SCHIP1: variants seen among roughly 807,000 people sequenced by gnomAD.
The protein encoded by SCHIP1 is schwannomin-interacting protein 1.
Under a neutral mutation model 29.7 loss-of-function variants are expected in SCHIP1, and 8 were observed. The ratio of observed to expected loss-of-function variants is 0.27; its 90% confidence interval spans 0.16 to 0.49. The LOEUF (loss-of-function observed/expected upper bound fraction) is 0.49. SCHIP1 is among the 20% of genes least tolerant of loss of function. SCHIP1 has a pLI of 0.99. For synonymous variants in SCHIP1, 76 were observed against 94.9 expected, an observed-to-expected ratio of 0.80 and a Z score of 1.16; for missense variants, 193 against 294.6, an observed-to-expected ratio of 0.66 and a Z score of 2.52.
At chr3:159,652,906 A>G in the SCHIP1 span, among the ~76,000 whole-genome samples, 127 of 152,332 alleles carry the variant, frequency 8.3e-4, no homozygotes, top group African/African-American at 3.0e-3. Flanking sequence ...AAAATAAGCC[A>G]AGCACAAAAA....
the SCHIP1 span, among the ~76,000 whole-genome samples, chr3:159,637,817 A>C: frequency 1.6e-4 from 24 of 152,348 alleles, no homozygotes; most frequent in African/African-American, 5.8e-4. Context: ...AAATGCCAGC[A>C]TTGGCCATTA....
the SCHIP1 span, among the ~76,000 whole-genome samples, chr3:159,685,607 C>T: frequency 9.2e-5 from 14 of 152,132 alleles, no homozygotes; most frequent in Non-Finnish European, 2.9e-5. Flanking sequence ...CCCAAATTTA[C>T]CCAACAATTT....
the SCHIP1 span, among the ~76,000 whole-genome samples, chr3:159,412,959 G>T: frequency 3.9e-3 from 589 of 152,310 alleles, 1 homozygote; most frequent in African/African-American, 0.013. Flanking sequence ...AAGGAAAAAG[G>T]TTTAATTGGC....
the SCHIP1 span, among the ~76,000 whole-genome samples, chr3:159,588,386 T>G: frequency 3.3e-5 from 5 of 152,122 alleles, no homozygotes. Flanking sequence ...AATGAGTAGA[T>G]TGCAAAAATT....
At chr3:159,593,394 C>T in the SCHIP1 span, among the ~76,000 whole-genome samples, 1 of 152,012 alleles carries the variant, frequency 6.6e-6, no homozygotes, top group Admixed American at 6.6e-5. Flanking sequence ...GGTTTAGGCC[C>T]CACTTGGAGG....
At chr3:159,359,128 A>G in the SCHIP1 span, among the ~76,000 whole-genome samples, 2 of 151,792 alleles carry the variant, frequency 1.3e-5, no homozygotes, top group African/African-American at 4.8e-5. Context: ...GGGTTTCACC[A>G]TGTTGGCCAG....
At chr3:159,497,683 G>A in the SCHIP1 span, among the ~76,000 whole-genome samples, 3 of 151,812 alleles carry the variant, frequency 2.0e-5, no homozygotes, top group Non-Finnish European at 4.4e-5. Flanking sequence ...AGGGAAGAGC[G>A]AAAGAGGAAG....
chr3:159,579,744 T>C, the SCHIP1 span, among the ~76,000 whole-genome samples: 1 of 152,198 alleles, frequency 6.6e-6, no homozygotes, highest in African/African-American at 2.4e-5. Flanking sequence ...ACCTTAAGAA[T>C]TGAGTTCAAC....
the SCHIP1 span, among the ~76,000 whole-genome samples, chr3:159,541,501 C>G: frequency 2.0e-5 from 3 of 151,968 alleles, no homozygotes; most frequent in Non-Finnish European, 4.4e-5. Flanking sequence ...CATAGATCCA[C>G]TGTAGCAAAT....
At chr3:159,496,905 G>C in the SCHIP1 span, among the ~76,000 whole-genome samples, 12 of 152,252 alleles carry the variant, frequency 7.9e-5, no homozygotes, top group East Asian at 1.5e-3. Flanking sequence ...CACATATACT[G>C]CATGGAATAC....
intron 2 of SCHIP1, among the ~76,000 whole-genome samples, chr3:159,876,340 C>T (rs766549366): frequency 1.3e-5 from 2 of 152,190 alleles, no homozygotes; most frequent in Non-Finnish European, 2.9e-5. Flanking sequence ...TATTGGGAAC[C>T]AGAGGGTCTG....
chr3:159,814,937 A>C, the SCHIP1 span, among the ~76,000 whole-genome samples: 1 of 152,206 alleles, frequency 6.6e-6, no homozygotes, highest in Non-Finnish European at 1.5e-5. Context: ...TCTGGGTGAC[A>C]CTAGGCCAAA....
chr3:159,635,412 G>A, the SCHIP1 span, among the ~76,000 whole-genome samples: 1 of 152,124 alleles, frequency 6.6e-6, no homozygotes. Flanking sequence ...TAATTGACAT[G>A]GAAGTATTTT....
the SCHIP1 span, among the ~76,000 whole-genome samples, chr3:159,395,590 T>G: frequency 2.6e-5 from 4 of 152,166 alleles, no homozygotes; most frequent in South Asian, 8.3e-4. Context: ...CAGTAGTCAT[T>G]CAGGAGCTGG....
chr3:159,280,983 G>T, the SCHIP1 span, among the ~76,000 whole-genome samples: 2 of 152,220 alleles, frequency 1.3e-5, no homozygotes, highest in African/African-American at 2.4e-5. Flanking sequence ...ATCCACGATT[G>T]CATGTGTTAA....
chr3:159,273,454 A>ATCT, the SCHIP1 span: 2 of 1,050,066 alleles, frequency 1.9e-6, no homozygotes, highest in Non-Finnish European at 2.3e-6. Flanking sequence ...GACTAATGGG[A>ATCT]TCTTCTTTTC....
chr3:159,320,831 C>T, the SCHIP1 span, among the ~76,000 whole-genome samples: 1 of 150,928 alleles, frequency 6.6e-6, no homozygotes, highest in East Asian at 2.0e-4. Context: ...TTTGGAAATC[C>T]ATTTAATCTC....
At chr3:159,567,930 A>G in the SCHIP1 span, among the ~76,000 whole-genome samples, 1 of 152,234 alleles carries the variant, frequency 6.6e-6, no homozygotes, top group Admixed American at 6.5e-5. Flanking sequence ...CTTATTTACA[A>G]ATGTGGTATA....
the SCHIP1 span, among the ~76,000 whole-genome samples, chr3:159,412,090 C>G: frequency 6.6e-6 from 1 of 152,120 alleles, no homozygotes; most frequent in African/African-American, 2.4e-5. Flanking sequence ...TCAAAACAAA[C>G]CAACAAAGTA....
Sources: gnomAD v4.1 joint callset for allele counts (sites outside exome capture counted in the v4.1 genomes callset) on GRCh38, gnomAD v4.1.1 for gene constraint, MANE v1.5 for transcripts, NCBI Gene and HGNC (gene_info 2026-07-23, HGNC 2026-07-21) for gene names.